Variants in GPC5 observed in about 807,000 individuals in gnomAD.
GPC5 encodes the protein glypican-5.
In GPC5, 47 loss-of-function variants were observed where a neutral mutation model predicts 53.9. That is an observed-to-expected ratio of 0.87 (90% confidence interval 0.69 to 1.11). The LOEUF (loss-of-function observed/expected upper bound fraction) is 1.11. Among genes scored for constraint, GPC5 ranks in the 50% most tolerant of loss-of-function variants. The pLI is 0.00. For missense variants in GPC5, 748 were observed against 713.1 expected, an observed-to-expected ratio of 1.05 and a Z score of -0.56; for synonymous variants, 286 against 263.3, an observed-to-expected ratio of 1.09 and a Z score of -0.84.
At chr13:92,775,733 C>A (rs1484358363) in intron 7 of GPC5, among the ~76,000 whole-genome samples, 1 of 152,152 alleles carries the variant, frequency 6.6e-6, no homozygotes, top group Non-Finnish European at 1.5e-5. Context: ...ATCTATTTAG[C>A]TCATATCTAT....
intron 2 of GPC5, among the ~76,000 whole-genome samples, chr13:91,570,268 C>G (rs536809238): frequency 6.6e-6 from 1 of 152,266 alleles, no homozygotes; most frequent in East Asian, 1.9e-4. Flanking sequence ...GTGAGCATCA[C>G]AACAGGTTGA....
intron 7 of GPC5, among the ~76,000 whole-genome samples, chr13:92,739,166 G>A (rs1245239441): frequency 6.6e-6 from 1 of 151,904 alleles, no homozygotes; most frequent in Non-Finnish European, 1.5e-5. Flanking sequence ...ATAAACATAT[G>A]TCTCTATATG....
intron 6 of GPC5, among the ~76,000 whole-genome samples, chr13:92,123,843 A>G (rs560458459): frequency 6.6e-6 from 1 of 152,324 alleles, no homozygotes; most frequent in East Asian, 1.9e-4. Context: ...TACCAAATAT[A>G]TTCTTAATTT....
At chr13:91,461,150 T>G (rs1386035117) in intron 2 of GPC5, among the ~76,000 whole-genome samples, 1 of 152,182 alleles carries the variant, frequency 6.6e-6, no homozygotes, top group Non-Finnish European at 1.5e-5. Flanking sequence ...TGGGCTAACT[T>G]TTGTATAAAC....
In GPC5 at chr13:92,708,662, G is replaced by C. The variant is rs545944658; in HGVS notation, c.1562-157620G>C. Among the ~76,000 whole-genome samples, 86 of 152,020 alleles carry C rather than the reference G, an allele frequency of 5.7e-4. 1 individual carries two copies. In the South Asian group the frequency reaches 0.014, roughly 24 times the overall value. On this transcript the variant is annotated intron_variant, in intron 7 of 7. Coordinates refer to ENST00000377067, the MANE Select transcript of GPC5 (RefSeq NM_004466.6). ...GATAGTAGGGTTAGAAAAAGTTGTG[G>C]AGCAATACGTAAGGTTGGGGAGAAG...
intron 5 of GPC5, among the ~76,000 whole-genome samples, chr13:91,792,736 G>A (rs1410389988): frequency 6.6e-6 from 1 of 152,056 alleles, no homozygotes; most frequent in Non-Finnish European, 1.5e-5. Context: ...AAATTCCATG[G>A]GCATGAGTTT....
chr13:92,343,131 T>C (rs934999905), intron 7 of GPC5, among the ~76,000 whole-genome samples: 2 of 152,204 alleles, frequency 1.3e-5, no homozygotes, highest in Admixed American at 6.6e-5. Flanking sequence ...TTATCTTATT[T>C]CTAAATAACA....
intron 7 of GPC5, chr13:92,706,173 A>C (rs1488462747): frequency 6.6e-6 from 1 of 152,214 alleles, no homozygotes; most frequent in South Asian, 2.1e-4. Context: ...AATTCCTTTA[A>C]TATCTCTTTT....
chr13:92,292,399 T>C (rs1257770365), intron 7 of GPC5, among the ~76,000 whole-genome samples: 2 of 152,240 alleles, frequency 1.3e-5, no homozygotes, highest in Non-Finnish European at 2.9e-5. Flanking sequence ...TATTGTGTTG[T>C]GGTTTTGATT....
At chr13:91,853,607 G>T (rs1813614999) in intron 5 of GPC5, among the ~76,000 whole-genome samples, 2 of 151,890 alleles carry the variant, frequency 1.3e-5, no homozygotes, top group African/African-American at 4.8e-5. Flanking sequence ...TCAGATTATT[G>T]TCTGTATTAT....
chr13:91,435,484 A>G (rs1290224064), intron 1 of GPC5, among the ~76,000 whole-genome samples: 3 of 152,204 alleles, frequency 2.0e-5, no homozygotes, highest in African/African-American at 4.8e-5. Context: ...ATGCTGGATT[A>G]TGTTTATTGA....
intron 7 of GPC5, among the ~76,000 whole-genome samples, chr13:92,311,410 G>A (rs1007193058): frequency 1.7e-4 from 26 of 152,170 alleles, no homozygotes; most frequent in African/African-American, 4.3e-4. Flanking sequence ...TCAATTACTC[G>A]TACATTTTAT....
intron 6 of GPC5, among the ~76,000 whole-genome samples, chr13:92,003,785 A>G (rs2040578990): frequency 1.3e-5 from 2 of 152,204 alleles, no homozygotes; most frequent in Admixed American, 1.3e-4. Flanking sequence ...GAACAATAAT[A>G]CAGTAAGTTG....
intron 7 of GPC5, among the ~76,000 whole-genome samples, chr13:92,718,118 C>A (rs924448083): frequency 1.3e-5 from 2 of 152,088 alleles, no homozygotes; most frequent in African/African-American, 2.4e-5. Context: ...TAAATTAGCA[C>A]AGCTACTATG....
intron 7 of GPC5, among the ~76,000 whole-genome samples, chr13:92,312,705 T>C (rs1441595033): frequency 6.6e-6 from 1 of 152,182 alleles, no homozygotes; most frequent in African/African-American, 2.4e-5. Flanking sequence ...GATCTTCATG[T>C]TAAATTAGAA....
intron 2 of GPC5, among the ~76,000 whole-genome samples, chr13:91,485,213 C>CTTT (rs3052562): frequency 2.1e-5 from 3 of 141,258 alleles, no homozygotes; most frequent in African/African-American, 7.9e-5. Flanking sequence ...ATCTTGGTCC[C>CTTT]TTTTTTTTTT....
intron 5 of GPC5, among the ~76,000 whole-genome samples, chr13:91,824,696 TC>T (rs149975140): frequency 0.043 from 6,560 of 152,110 alleles, 165 homozygotes; most frequent in Middle Eastern, 0.065. Context: ...TGTTTCTTTG[TC>T]CCCTTCCCAC....
intron 1 of GPC5, among the ~76,000 whole-genome samples, chr13:91,435,292 T>G (rs1387961223): frequency 6.6e-6 from 1 of 152,200 alleles, no homozygotes; most frequent in Non-Finnish European, 1.5e-5. Flanking sequence ...CTTCCAGTTT[T>G]TGCCCATTCA....
At chr13:92,369,463 C>T (rs1162491266) in intron 7 of GPC5, among the ~76,000 whole-genome samples, 1 of 152,200 alleles carries the variant, frequency 6.6e-6, no homozygotes, top group East Asian at 1.9e-4. Flanking sequence ...AGATCTGAGC[C>T]ACCACCTTCA....
Sources: gnomAD v4.1 joint callset for allele counts (sites outside exome capture counted in the v4.1 genomes callset) on GRCh38, gnomAD v4.1.1 for gene constraint, MANE v1.5 for transcripts, NCBI Gene and HGNC (gene_info 2026-07-23, HGNC 2026-07-21) for gene names.